Variants in STIM1 observed in about 807,000 individuals in gnomAD.
The protein encoded by STIM1 is stromal interaction molecule 1.
Under a neutral mutation model 74.7 loss-of-function variants are expected in STIM1, and 25 were observed. The observed-to-expected ratio is 0.33, with a 90% CI of 0.24 to 0.47. The LOEUF (loss-of-function observed/expected upper bound fraction) is 0.47, where lower values mean the gene tolerates loss of function less well. Ranked by LOEUF, STIM1 falls within the 20% of genes least tolerant of loss-of-function variation. The probability of loss-of-function intolerance (pLI) is 1.00; values close to 1 mark genes in which losing one functional copy is unlikely to be tolerated. For synonymous variants in STIM1, 328 were observed against 348.8 expected, an observed-to-expected ratio of 0.94 and a Z score of 0.66; for missense variants, 728 against 920.8, an observed-to-expected ratio of 0.79 and a Z score of 2.71.
At position 3,910,316 on chromosome 11, in the gene STIM1, A is replaced by G. The variant is rs543362516; in HGVS notation, c.139+53907A>G. ...AAGAGTATGGCAGTTTAGGGACTCTAGGCAGATGTTTATTGAAAGCCAAAA... is the reference window on the plus strand; with the variant it reads ...AAGAGTATGGCAGTTTAGGGACTCTGGGCAGATGTTTATTGAAAGCCAAAA... On this transcript the variant is annotated intron_variant, in intron 1 of 12. Transcript: ENST00000526596. Among the ~76,000 whole-genome samples the G allele has an allele frequency of 2.9e-4, 44 of 152,346 alleles. 1 individual carries two copies. The South Asian group carries it at 8.1e-3, about 28-fold the overall frequency.
chr11:3,941,571 G>C (rs998753699), intron 1 of STIM1, among the ~76,000 whole-genome samples: 4 of 148,976 alleles, frequency 2.7e-5, no homozygotes, highest in African/African-American at 1.0e-4. Flanking sequence ...TATTGCCATA[G>C]AAGAAGCATA....
At chr11:3,997,134 C>T (rs182598092) in intron 2 of STIM1, among the ~76,000 whole-genome samples, 78 of 152,322 alleles carry the variant, frequency 5.1e-4, no homozygotes, top group African/African-American at 1.9e-3. Flanking sequence ...TTTAATGCTG[C>T]CTCTAGGATT....
rs529826707 is a variant in STIM1 at position 3,886,983 on chromosome 11, C to A, written c.139+30574C>A. Among the ~76,000 whole-genome samples the A allele has an allele frequency of 2.9e-4, 44 of 150,858 alleles. No individual in the cohort carries two copies. The South Asian group carries it at 9.0e-3, about 31-fold the overall frequency. On this transcript the variant is annotated intron_variant, in intron 1 of 12. Transcript: ENST00000526596. The stretch of plus-strand genomic sequence containing the variant: ...GCACCACTGCACTCCAGCCTGGCGA[C>A]AGAGCAAGACTCTGTCTCAAAGAAA...
chr11:3,991,974 A>AAAAAAAAAAAAAAAAAAAAAAAAG (rs2093617447), intron 2 of STIM1, among the ~76,000 whole-genome samples: 9 of 44,480 alleles, frequency 2.0e-4, no homozygotes, highest in Admixed American at 3.9e-4. Flanking sequence ...AAAAAAAAAG[A>AAAAAAAAAAAAAAAAAAAAAAAAG]AAAAAAAAAA....
chr11:3,950,094 T>C (rs2093126639), intron 1 of STIM1, among the ~76,000 whole-genome samples: 1 of 152,118 alleles, frequency 6.6e-6, no homozygotes, highest in African/African-American at 2.4e-5. Context: ...GTTCAGTTCC[T>C]TGGAAACTCA....
intron 2 of STIM1, among the ~76,000 whole-genome samples, chr11:4,002,979 A>C (rs2093735355): frequency 6.7e-6 from 1 of 149,860 alleles, no homozygotes; most frequent in Non-Finnish European, 1.5e-5. Flanking sequence ...AATATACTAG[A>C]AAATCTAGAA....
At chr11:4,026,585 C>T (rs1477437093) in intron 3 of STIM1, among the ~76,000 whole-genome samples, 2 of 152,212 alleles carry the variant, frequency 1.3e-5, no homozygotes, top group Admixed American at 6.5e-5. Context: ...AGGTCACCTG[C>T]ACTTCTGACC....
chr11:3,962,385 A>G (rs1033536731), intron 1 of STIM1, among the ~76,000 whole-genome samples: 5 of 152,046 alleles, frequency 3.3e-5, no homozygotes, highest in African/African-American at 9.7e-5. Flanking sequence ...AGCGGCCTCC[A>G]GTTCCATCCA....
At chr11:3,931,888 C>A (rs957774749) in intron 1 of STIM1, among the ~76,000 whole-genome samples, 4 of 152,170 alleles carry the variant, frequency 2.6e-5, no homozygotes, top group African/African-American at 9.7e-5. Flanking sequence ...CCCTGTGGAA[C>A]ACGGGCCATA....
chr11:3,860,832 A>G (rs1485239942), intron 1 of STIM1, among the ~76,000 whole-genome samples: 1 of 152,176 alleles, frequency 6.6e-6, no homozygotes, highest in Non-Finnish European at 1.5e-5. Flanking sequence ...CTTGCTTTTC[A>G]CTGTGGAAGG....
At chr11:3,976,129 A>G (rs2093446020) in intron 2 of STIM1, among the ~76,000 whole-genome samples, 1 of 152,278 alleles carries the variant, frequency 6.6e-6, no homozygotes. Flanking sequence ...AAAACTACTC[A>G]GCAATATAAA....
At chr11:3,898,429 G>A (rs1291639029) in intron 1 of STIM1, among the ~76,000 whole-genome samples, 1 of 116,682 alleles carries the variant, frequency 8.6e-6, no homozygotes, top group African/African-American at 3.5e-5. Context: ...TTTGTCAGAT[G>A]AGTAGGTTGT....
intron 1 of STIM1, among the ~76,000 whole-genome samples, chr11:3,909,508 G>A (rs1368787074): frequency 6.6e-6 from 1 of 152,122 alleles, no homozygotes; most frequent in Non-Finnish European, 1.5e-5. Flanking sequence ...GACAGAAGTA[G>A]AATAGTAGGA....
chr11:3,977,009 G>C (rs2093454428), intron 2 of STIM1, among the ~76,000 whole-genome samples: 2 of 152,018 alleles, frequency 1.3e-5, no homozygotes, highest in African/African-American at 4.8e-5. Flanking sequence ...TGGTCATGCT[G>C]GTCTTGAACT....
intron 3 of STIM1, among the ~76,000 whole-genome samples, chr11:4,032,405 G>T (rs1168350496): frequency 2.6e-5 from 4 of 152,196 alleles, no homozygotes; most frequent in Non-Finnish European, 5.9e-5. Flanking sequence ...CTATCTGTCT[G>T]TCTTTATGCC....
Position 3,967,597 on chromosome 11 carries a change from A to T in STIM1, c.185A>T (p.Lys62Ile). The change falls in exon 2 of 13, where the codon AAA becomes ATA. Residue 62 changes from lysine (K) to isoleucine (I), a missense_variant. Physicochemically the swap from Lys to Ile is moderately radical, Grantham distance 102. Around this residue, in one of 5 missense-constraint regions of STIM1, gnomAD observed 51 missense variants for 101.1 expected, o/e 0.50. Coordinates refer to ENST00000526596, the MANE Select transcript of STIM1 (RefSeq NM_001382567.1). Reference protein sequence around the residue: ...DKPLCHSEDEKLSFEAVRNIH... With the variant: ...DKPLCHSEDEILSFEAVRNIH... ...CCCCTGTGTCACAGTGAGGATGAGA[A>T]ACTCAGCTTCGAGGCAGTCCGTAAC... 1 of 1,614,230 alleles carries T rather than the reference A, an allele frequency of 6.2e-7. No individual in the cohort carries two copies. The highest frequency in any genetic ancestry group is 8.5e-7 in the Non-Finnish European group (1 of 1,180,038).
chr11:3,856,986 T>C (rs2090399988), intron 1 of STIM1, among the ~76,000 whole-genome samples: 1 of 151,972 alleles, frequency 6.6e-6, no homozygotes, highest in Non-Finnish European at 1.5e-5. Context: ...TATTTACAAC[T>C]AGGGTGTTAA....
chr11:4,061,000 C>G (rs1207595000), intron 5 of STIM1, among the ~76,000 whole-genome samples: 5 of 152,088 alleles, frequency 3.3e-5, no homozygotes, highest in Admixed American at 2.0e-4. Flanking sequence ...ACACTTATAC[C>G]CAACTATAAA....
At chr11:3,989,500 G>A in intron 2 of STIM1, 3 of 599,154 alleles carry the variant, frequency 5.0e-6, no homozygotes, top group African/African-American at 1.9e-5. Context: ...ATGTCTGTGA[G>A]CCGCGGCGCA....
Sources: allele counts gnomAD v4.1 joint callset (sites outside exome capture counted in the v4.1 genomes callset), GRCh38; gene constraint gnomAD v4.1.1; regional missense constraint gnomAD v4.1.1; transcripts MANE v1.5; gene names NCBI Gene and HGNC (gene_info 2026-07-23, HGNC 2026-07-21).